Variants in LAMA2 observed in about 807,000 individuals in gnomAD.
LAMA2 encodes laminin subunit alpha-2.
A neutral mutation model predicts 364.8 loss-of-function variants in LAMA2; 269 were observed. The observed-to-expected ratio is 0.74, with a 90% CI of 0.67 to 0.82. The LOEUF is 0.82. Among genes scored for constraint, LAMA2 ranks in the 40% least tolerant of loss-of-function variants. The pLI is 0.00. For synonymous variants in LAMA2, 1,379 were observed against 1,370.6 expected (o/e 1.01, Z -0.14); for missense variants, 3,807 against 3,873.2 (o/e 0.98, Z 0.45).
At chr6:129,330,902 T>G (rs1463896402) in intron 29 of LAMA2, among the ~76,000 whole-genome samples, 1 of 151,586 alleles carries the variant, frequency 6.6e-6, no homozygotes, top group African/African-American at 2.4e-5. Flanking sequence ...GGAGTCTTGC[T>G]CTGTCACCCA....
At chr6:128,931,740 T>A (rs1779493531) in intron 1 of LAMA2, among the ~76,000 whole-genome samples, 2 of 152,228 alleles carry the variant, frequency 1.3e-5, no homozygotes, top group African/African-American at 4.8e-5. Context: ...TTTCTCTGAC[T>A]AATTTTATTT....
Position 129,317,622 on chromosome 6 carries a change from C to T in LAMA2, c.4058+1451C>T, listed in dbSNP as rs975184493. 7.9e-5 allele frequency among the ~76,000 whole-genome samples: 12 copies of T among 151,920 alleles called. 1 individual carries two copies. Among genetic ancestry groups the T allele is most frequent in the East Asian group, 3.9e-4 (2 of 5,186 alleles). The stretch of plus-strand genomic sequence containing the variant: ...TAATAAAAAAAATATACTTAAAAAA[C>T]GCTGTTATCTATACTGTTAATTATT... On this transcript the variant is annotated intron_variant, in intron 27 of 64. Transcript: ENST00000421865.
At chr6:129,469,945 T>C (rs1783729091) in intron 51 of LAMA2, among the ~76,000 whole-genome samples, 1 of 151,854 alleles carries the variant, frequency 6.6e-6, no homozygotes, top group Admixed American at 6.6e-5. Flanking sequence ...GAATGGTATA[T>C]GTACGAAAAG....
At chr6:129,228,130 A>T (rs1784444135) in intron 12 of LAMA2, among the ~76,000 whole-genome samples, 1 of 152,170 alleles carries the variant, frequency 6.6e-6, no homozygotes, top group Non-Finnish European at 1.5e-5. Flanking sequence ...CCTCCGAGCC[A>T]GGTGTGGGAT....
chr6:129,096,957 G>A (rs779964200), intron 3 of LAMA2, among the ~76,000 whole-genome samples: 15 of 152,036 alleles, frequency 9.9e-5, no homozygotes, highest in Non-Finnish European at 2.1e-4. Context: ...TCCTATACAC[G>A]TATGCATGAG....
At chr6:129,222,804 C>T (rs928187843) in intron 12 of LAMA2, among the ~76,000 whole-genome samples, 1 of 152,084 alleles carries the variant, frequency 6.6e-6, no homozygotes, top group Non-Finnish European at 1.5e-5. Context: ...AATAAACATA[C>T]ATGTGCATGT....
chr6:129,442,293 A>T, intron 43 of LAMA2: 2 of 1,087,288 alleles, frequency 1.8e-6, no homozygotes, highest in Admixed American at 2.6e-5. Flanking sequence ...AAGGAAGAGT[A>T]CAAACACATA....
At chr6:129,401,395 T>C in intron 38 of LAMA2, 55 bp downstream of exon 38, 1 of 1,108,106 alleles carries the variant, frequency 9.0e-7, no homozygotes, top group Non-Finnish European at 1.4e-6. Flanking sequence ...TGGGAGCCGA[T>C]GAGAAAGCTC....
chr6:129,234,995 A>G (rs962438203), intron 12 of LAMA2, among the ~76,000 whole-genome samples: 3 of 152,198 alleles, frequency 2.0e-5, no homozygotes, highest in South Asian at 2.1e-4. Flanking sequence ...ATGGAAATGT[A>G]TGATTTTTAA....
intron 37 of LAMA2, among the ~76,000 whole-genome samples, chr6:129,400,158 G>A (rs1779888366): frequency 6.6e-6 from 1 of 152,178 alleles, no homozygotes; most frequent in Admixed American, 6.6e-5. Flanking sequence ...ATGGTAAAAG[G>A]ATGAACAAGC....
chr6:129,037,204 T>G (rs1786702980), intron 1 of LAMA2, among the ~76,000 whole-genome samples: 1 of 152,166 alleles, frequency 6.6e-6, no homozygotes, highest in Non-Finnish European at 1.5e-5. Flanking sequence ...AAATGGAAAG[T>G]TAGAATCATT....
intron 18 of LAMA2, among the ~76,000 whole-genome samples, chr6:129,280,857 A>C (rs948025203): frequency 5.9e-5 from 9 of 152,200 alleles, no homozygotes; most frequent in African/African-American, 1.7e-4. Flanking sequence ...CACTGGAAAT[A>C]GTCCCTGCTG....
intron 24 of LAMA2, 21 bp downstream of exon 24, chr6:129,314,819 C>T (rs997714215): frequency 1.2e-6 from 2 of 1,613,190 alleles, no homozygotes; most frequent in South Asian, 1.1e-5. Flanking sequence ...AACTGCTGAG[C>T]CATGTAATGG....
At chr6:129,383,855 A>C (rs1778833682) in intron 35 of LAMA2, among the ~76,000 whole-genome samples, 1 of 152,228 alleles carries the variant, frequency 6.6e-6, no homozygotes, top group South Asian at 2.1e-4. Flanking sequence ...CCCCAAAAAA[A>C]CCTAGTCCTT....
intron 30 of LAMA2, among the ~76,000 whole-genome samples, chr6:129,348,927 A>G (rs192097113): frequency 4.6e-5 from 7 of 152,316 alleles, no homozygotes; most frequent in African/African-American, 1.7e-4. Flanking sequence ...AGTAATAGCT[A>G]TTCCACTATC....
intron 62 of LAMA2, among the ~76,000 whole-genome samples, chr6:129,510,543 G>C (rs1786489369): frequency 1.3e-5 from 2 of 152,096 alleles, no homozygotes; most frequent in Non-Finnish European, 2.9e-5. Flanking sequence ...CACATAATAT[G>C]TGGAGATTAT....
At chr6:128,973,080 T>C (rs1283152711) in intron 1 of LAMA2, among the ~76,000 whole-genome samples, 1 of 151,946 alleles carries the variant, frequency 6.6e-6, no homozygotes, top group East Asian at 1.9e-4. Flanking sequence ...CAAGTTACTA[T>C]ATTGCAATGA....
At chr6:128,896,188 AATTTTTG>A (rs1776759387) in intron 1 of LAMA2, among the ~76,000 whole-genome samples, 1 of 151,960 alleles carries the variant, frequency 6.6e-6, no homozygotes, top group Non-Finnish European at 1.5e-5. Context: ...TAAATGACTA[AATTTTTG>A]AGGTTTATGT....
chr6:129,268,181 T>C lies in LAMA2; in HGVS notation c.2322+962T>C, dbSNP rs1360963656. 2.0e-5 allele frequency among the ~76,000 whole-genome samples: 3 copies of C among 152,258 alleles called. No individual in the cohort carries two copies. In the East Asian group the frequency reaches 5.8e-4, roughly 29 times the overall value. On this transcript the variant is annotated intron_variant, in intron 16 of 64. Coordinates refer to ENST00000421865, the MANE Select transcript of LAMA2 (RefSeq NM_000426.4). ...TTGGCATTTAGGTTTGTTGATGCTCTTTCCCTTTTCTCTATATAAGATTTT... is the reference window on the plus strand; with the variant it reads ...TTGGCATTTAGGTTTGTTGATGCTCCTTCCCTTTTCTCTATATAAGATTTT...
Sources: allele counts gnomAD v4.1 joint callset (sites outside exome capture counted in the v4.1 genomes callset), GRCh38; gene constraint gnomAD v4.1.1; transcripts MANE v1.5; gene names NCBI Gene and HGNC (gene_info 2026-07-23, HGNC 2026-07-21).